The following PTPN9 variants were observed in gnomAD, a reference collection of about 807,000 sequenced individuals.
The protein encoded by PTPN9 is tyrosine-protein phosphatase non-receptor type 9.
In PTPN9, 26 loss-of-function variants were observed where a neutral mutation model predicts 69.8. The ratio of observed to expected loss-of-function variants is 0.37; its 90% CI spans 0.27 to 0.52. The LOEUF is 0.52. Ranked by LOEUF, PTPN9 falls within the 20% of genes least tolerant of loss-of-function variation. PTPN9 has a pLI of 0.91. For synonymous variants in PTPN9, 274 were observed against 272.5 expected, an observed-to-expected ratio of 1.01 and a Z score of -0.05; for missense variants, 549 against 740.3, an observed-to-expected ratio of 0.74 and a Z score of 3.00.
intron 1 of PTPN9, among the ~76,000 whole-genome samples, chr15:75,572,797 T>G (rs1027393708): frequency 7.9e-5 from 12 of 152,210 alleles, no homozygotes; most frequent in African/African-American, 2.6e-4. Context: ...AAAATAAAAT[T>G]TTATTGTAGT....
intron 1 of PTPN9, among the ~76,000 whole-genome samples, chr15:75,555,532 C>A (rs1432148042): frequency 1.3e-5 from 2 of 151,634 alleles, no homozygotes; most frequent in Non-Finnish European, 2.9e-5. Context: ...TTGAGACAGT[C>A]CTCGCTCTGT....
chr15:75,571,342 G>A (rs1254785667), intron 1 of PTPN9, among the ~76,000 whole-genome samples: 1 of 152,060 alleles, frequency 6.6e-6, no homozygotes, highest in Non-Finnish European at 1.5e-5. Flanking sequence ...ATTGGGCTAA[G>A]TGCTCTACAT....
chr15:75,559,333 G>T lies in PTPN9; in HGVS notation c.63+19381C>A, dbSNP rs2075093103. On this transcript the variant is annotated intron_variant, in intron 1 of 12. Coordinates refer to ENST00000618819, the MANE Select transcript of PTPN9 (RefSeq NM_002833.4). ...ATGGCGGTTTTGTCGAGTAGAAAAGGGGGAAATGTGGGGAAAAGATAGAGA... is the reference window on the plus strand; with the variant it reads ...ATGGCGGTTTTGTCGAGTAGAAAAGTGGGAAATGTGGGGAAAAGATAGAGA... Among the ~76,000 whole-genome samples, 3 of 152,316 alleles carry T rather than the reference G, an allele frequency of 2.0e-5. No homozygotes were observed. In the South Asian group the frequency reaches 6.2e-4, roughly 32 times the overall value.
chr15:75,561,333 T>TA (rs1185802337), intron 1 of PTPN9, among the ~76,000 whole-genome samples: 1 of 151,258 alleles, frequency 6.6e-6, no homozygotes, highest in African/African-American at 2.4e-5. Context: ...AAAAATTACT[T>TA]AAAAAAGAAT....
intron 7 of PTPN9, among the ~76,000 whole-genome samples, chr15:75,503,968 G>GC (rs2074794855): frequency 8.5e-6 from 1 of 118,138 alleles, no homozygotes; most frequent in Admixed American, 8.2e-5. Context: ...CTGCCCAGCC[G>GC]CCCCTACTGG....
intron 2 of PTPN9, among the ~76,000 whole-genome samples, chr15:75,525,915 ACT>A (rs2074925460): frequency 2.7e-5 from 4 of 150,924 alleles, no homozygotes; most frequent in Admixed American, 2.6e-4. Flanking sequence ...ACACAGCAAG[ACT>A]CTGTCTCAAA....
chr15:75,481,080 G>C (rs1227880298), intron 8 of PTPN9, among the ~76,000 whole-genome samples: 1 of 62,308 alleles, frequency 1.6e-5, no homozygotes, highest in East Asian at 4.5e-4. Flanking sequence ...GTCTCTGCCC[G>C]GCCGCCCATC....
intron 9 of PTPN9, among the ~76,000 whole-genome samples, chr15:75,475,687 T>C (rs1267471006): frequency 1.3e-5 from 2 of 152,180 alleles, no homozygotes; most frequent in Non-Finnish European, 2.9e-5. Flanking sequence ...ATGGTTAATT[T>C]TGGTCTAGAA....
At chr15:75,525,385 G>C (rs545867944) in intron 2 of PTPN9, among the ~76,000 whole-genome samples, 1 of 151,014 alleles carries the variant, frequency 6.6e-6, no homozygotes, top group Non-Finnish European at 1.5e-5. Flanking sequence ...GTAGAGACGG[G>C]GTTTTGCCAT....
intron 8 of PTPN9, among the ~76,000 whole-genome samples, chr15:75,485,823 G>A (rs1368751522): frequency 6.6e-5 from 10 of 151,284 alleles, no homozygotes; most frequent in Admixed American, 4.6e-4. Flanking sequence ...ACTGAAGGCC[G>A]GGCGCAGTGG....
intron 1 of PTPN9, among the ~76,000 whole-genome samples, chr15:75,537,496 G>A (rs2074988241): frequency 8.2e-6 from 1 of 121,678 alleles, no homozygotes; most frequent in Non-Finnish European, 1.6e-5. Context: ...GCTCACGCCT[G>A]TAATCCCAGC....
At chr15:75,519,560 G>T (rs2074891874) in intron 4 of PTPN9, among the ~76,000 whole-genome samples, 1 of 152,060 alleles carries the variant, frequency 6.6e-6, no homozygotes, top group South Asian at 2.1e-4. Context: ...TTCTCCAGCA[G>T]ACTTAGTTTC....
intron 5 of PTPN9, among the ~76,000 whole-genome samples, chr15:75,511,923 G>A (rs1595957574): frequency 6.7e-6 from 1 of 150,078 alleles, no homozygotes; most frequent in Admixed American, 6.7e-5. Flanking sequence ...GTAGTGGCAC[G>A]ATATCTGCTC....
In PTPN9 at chr15:75,466,382, G is replaced by A. The variant is rs1217834523; in HGVS notation, c.*2387C>T. On this transcript the variant is annotated 3_prime_UTR_variant, in exon 13 of 13. Coordinates refer to ENST00000618819, the MANE Select transcript of PTPN9 (RefSeq NM_002833.4). ...TCAACAGCCAACAGGTATGATATGG[G>A]GAGTGGTCTTCCATGTACAAAGCTT... is the stretch of plus-strand genomic sequence containing the variant. 2 of 152,210 alleles carry A rather than the reference G, an allele frequency of 1.3e-5. No individual in the cohort carries two copies. Among genetic ancestry groups the A allele is most frequent in the African/African-American group, 4.8e-5 (2 of 41,446 alleles). The allele number at this position is 152,210 out of a possible 1,614,324, so 9.4% of individuals were successfully genotyped here. A position where few individuals can be genotyped will look rare whatever the true frequency, so the allele number is the denominator to read the frequency against.
Position 75,465,809 on chromosome 15 carries a change from C to T in PTPN9, c.*2960G>A, listed in dbSNP as rs917146687. 34 of 152,160 alleles carry T rather than the reference C, an allele frequency of 2.2e-4. No homozygotes were observed. Among genetic ancestry groups the T allele is most frequent in the Admixed American group, 8.5e-4 (13 of 15,274 alleles). 9.4% of individuals were successfully genotyped at this position (152,160 alleles called of 1,614,324 possible). A position where few individuals can be genotyped will look rare whatever the true frequency, so the allele number is the denominator to read the frequency against. ...CATAACCTTAAATTCACAGGGCAGT[C>T]GGGTTACAGCCTCTTCAAATAAATG... On this transcript the variant is annotated 3_prime_UTR_variant, in exon 13 of 13. Coordinates refer to ENST00000618819, the MANE Select transcript of PTPN9 (RefSeq NM_002833.4).
chr15:75,490,275 C>T lies in PTPN9; in HGVS notation c.995G>A (p.Arg332His), dbSNP rs2074701842. ...SMSPGNLEKN[R>H]YGDVPCLDQT... ...GTCCAGGCAGGGTACATCCCCATAA[C>T]GGTTTTTCTCTAGGTTTCCTGGAGA... The change falls in exon 8 of 13, where the codon CGT (arginine) becomes CAT (histidine). Residue 332 changes from arginine (R) to histidine (H), a missense_variant. Physicochemically the swap from Arg to His is conservative, Grantham distance 29. Around this residue, in one of 3 missense-constraint regions of PTPN9, gnomAD observed 457 missense variants for 661.9 expected, o/e 0.69. Transcript: ENST00000618819. 1 of 1,613,380 alleles carries T rather than the reference C, an allele frequency of 6.2e-7. No homozygotes were observed. The highest frequency in any genetic ancestry group is 8.5e-7 in the Non-Finnish European group (1 of 1,179,382).
rs2074543037 is a variant in PTPN9 at position 75,467,767 on chromosome 15, C to G, written c.*1002G>C. ...GGCTGCTCAGTGAGTTCATCTCTAC[C>G]CTCCGCCTCCCATCCCTGGGATAGT... On this transcript the variant is annotated 3_prime_UTR_variant, in exon 13 of 13. Coordinates refer to ENST00000618819, the MANE Select transcript of PTPN9 (RefSeq NM_002833.4). 1 of 152,502 alleles carries G rather than the reference C, an allele frequency of 6.6e-6. No homozygotes were observed. The highest frequency in any genetic ancestry group is 1.5e-5 in the Non-Finnish European group (1 of 68,024). The allele number at this position is 152,502 out of a possible 1,614,324, so 9.4% of individuals were successfully genotyped here.
At chr15:75,496,381 C>T (rs188675784) in intron 7 of PTPN9, among the ~76,000 whole-genome samples, 144 of 151,250 alleles carry the variant, frequency 9.5e-4, no homozygotes, top group Non-Finnish European at 1.3e-3. Context: ...TGTACAATGA[C>T]GATTCAATTT....
intron 1 of PTPN9, among the ~76,000 whole-genome samples, chr15:75,541,005 G>T (rs1420723769): frequency 6.6e-6 from 1 of 151,946 alleles, no homozygotes; most frequent in African/African-American, 2.4e-5. Flanking sequence ...CTTGAGCCTA[G>T]GAGGTCCAGG....
Sources: gnomAD v4.1 joint callset for allele counts (sites outside exome capture counted in the v4.1 genomes callset) on GRCh38, gnomAD v4.1.1 for gene constraint, gnomAD v4.1.1 regional missense constraint, MANE v1.5 for transcripts, NCBI Gene and HGNC (gene_info 2026-07-23, HGNC 2026-07-21) for gene names.